Variants in GLIS1 observed in about 807,000 individuals in gnomAD.
The protein encoded by GLIS1 is GLIS family zinc finger 1.
GLIS1 carries 24 observed loss-of-function variants against 63.8 expected under a neutral mutation model. That is an observed-to-expected ratio of 0.38 (90% CI 0.27 to 0.53). The LOEUF is 0.53. GLIS1 is among the 20% of genes least tolerant of loss of function. GLIS1 has a pLI of 0.85. For synonymous variants in GLIS1, 450 were observed against 482.5 expected, an observed-to-expected ratio of 0.93 and a Z score of 0.88; for missense variants, 1,036 against 1,074.1, an observed-to-expected ratio of 0.96 and a Z score of 0.50.
rs1412585059 is a variant in GLIS1, at chr1:53,511,893, C to T, written c.1884-1866G>A. Among the ~76,000 whole-genome samples, 6 of 152,154 alleles carry T rather than the reference C, an allele frequency of 3.9e-5. No individual in the cohort carries two copies. Among genetic ancestry groups the T allele is most frequent in the Admixed American group, 2.0e-4 (3 of 15,280 alleles). On this transcript the variant is annotated intron_variant, in intron 8 of 10. Transcript: ENST00000628545. The surrounding 1 kb of genome is among the most constrained non-coding windows in gnomAD (Gnocchi z 4.2). The stretch of plus-strand genomic sequence containing the variant: ...AGCCCTCCCCTGGTTTCCTGAAGCC[C>T]CTGTAGGGAGGGCCAGGTCTTGGCC...
chr1:53,691,262 G>A (rs867194199), intron 2 of GLIS1, among the ~76,000 whole-genome samples: 2 of 152,122 alleles, frequency 1.3e-5, no homozygotes, highest in Non-Finnish European at 2.9e-5. Flanking sequence ...CCCACAGTGG[G>A]AGCTTCAGTG....
chr1:53,594,897 T>C lies in GLIS1; in HGVS notation c.531A>G (p.Ala177=). 3 of 1,528,302 alleles carry C rather than the reference T, an allele frequency of 2.0e-6. No homozygotes were observed. Among genetic ancestry groups the C allele is most frequent in the Non-Finnish European group, 2.6e-6 (3 of 1,146,026 alleles). The allele number at this position is 1,528,302 out of a possible 1,614,324, so 94.7% of individuals were successfully genotyped here. A position where few individuals can be genotyped will look rare whatever the true frequency, so the allele number is the denominator to read the frequency against. The part of the protein sequence containing the change: ...QESLPDYQAM[A]EARTSLSAHC... ...GGGCAGACAGGGATGTGCGGGCCTC[T>C]GCCATGGCTTGGTAGTCGGGCAAGG... is the stretch of plus-strand genomic sequence containing the variant. Residue 177 remains alanine (A), a synonymous_variant, in exon 4 of 11, where the codon GCA becomes GCG. Coordinates refer to ENST00000628545, the MANE Select transcript of GLIS1 (RefSeq NM_001367484.1).
chr1:53,733,281 G>A (rs1646882326), intron 2 of GLIS1, among the ~76,000 whole-genome samples: 1 of 152,136 alleles, frequency 6.6e-6, no homozygotes, highest in African/African-American at 2.4e-5. Context: ...CTGAGATGAG[G>A]TTCATTTTGT....
chr1:53,519,131 C>T (rs540717483), intron 7 of GLIS1, among the ~76,000 whole-genome samples: 2 of 152,328 alleles, frequency 1.3e-5, no homozygotes, highest in African/African-American at 4.8e-5. Flanking sequence ...ACTTGAGATA[C>T]CTTCGTCCCT....
intron 2 of GLIS1, among the ~76,000 whole-genome samples, chr1:53,641,409 G>A (rs1057473544): frequency 6.6e-5 from 10 of 152,218 alleles, no homozygotes; most frequent in East Asian, 1.9e-4. Context: ...AGTGCCTGCC[G>A]TAGGAGCTCC....
intron 2 of GLIS1, among the ~76,000 whole-genome samples, chr1:53,649,043 T>G (rs989387694): frequency 6.6e-6 from 1 of 152,210 alleles, no homozygotes; most frequent in Non-Finnish European, 1.5e-5. Context: ...TCAATAAATA[T>G]ATTAGAAATT....
chr1:53,659,056 C>T (rs1645998389), intron 2 of GLIS1, among the ~76,000 whole-genome samples: 1 of 152,202 alleles, frequency 6.6e-6, no homozygotes, highest in Non-Finnish European at 1.5e-5. Context: ...GTACTTGGCA[C>T]AGCAGCGTTT....
At chr1:53,701,386 T>G (rs1212537106) in intron 2 of GLIS1, among the ~76,000 whole-genome samples, 1 of 152,098 alleles carries the variant, frequency 6.6e-6, no homozygotes, top group East Asian at 1.9e-4. Flanking sequence ...AAAGTCTTCT[T>G]CCCCCAAGAA....
intron 4 of GLIS1, among the ~76,000 whole-genome samples, chr1:53,533,399 C>T (rs1457279156): frequency 6.6e-6 from 1 of 152,224 alleles, no homozygotes; most frequent in East Asian, 1.9e-4. Flanking sequence ...TGAGTACACC[C>T]CCTTACCCCA....
intron 7 of GLIS1, among the ~76,000 whole-genome samples, chr1:53,519,753 C>T (rs999504025): frequency 6.6e-6 from 1 of 152,136 alleles, no homozygotes; most frequent in African/African-American, 2.4e-5. Flanking sequence ...GCTCTGGGGG[C>T]CCCATCTCTG....
At chr1:53,548,361 T>C (rs1394159035) in intron 4 of GLIS1, among the ~76,000 whole-genome samples, 1 of 152,182 alleles carries the variant, frequency 6.6e-6, no homozygotes, top group Non-Finnish European at 1.5e-5. Flanking sequence ...TTACTGCTGG[T>C]ATTCCCGTGT....
At chr1:53,697,425 C>T (rs1646476701) in intron 2 of GLIS1, among the ~76,000 whole-genome samples, 1 of 152,210 alleles carries the variant, frequency 6.6e-6, no homozygotes, top group Admixed American at 6.5e-5. Context: ...TCTCTTCACC[C>T]TTCAAAGCAT....
chr1:53,546,846 A>G (rs1408105123), intron 4 of GLIS1, among the ~76,000 whole-genome samples: 1 of 152,168 alleles, frequency 6.6e-6, no homozygotes, highest in Non-Finnish European at 1.5e-5. Flanking sequence ...TGTTGTTAAG[A>G]CTAGGCTGCC....
At chr1:53,732,884 TACC>T (rs1160152154) in intron 2 of GLIS1, among the ~76,000 whole-genome samples, 2 of 152,286 alleles carry the variant, frequency 1.3e-5, no homozygotes, top group Non-Finnish European at 2.9e-5. Flanking sequence ...GCTGAAATAC[TACC>T]ACATCGTGTT....
chr1:53,562,605 A>T (rs1644903174), intron 4 of GLIS1, among the ~76,000 whole-genome samples: 1 of 152,074 alleles, frequency 6.6e-6, no homozygotes, highest in African/African-American at 2.4e-5. Flanking sequence ...ACATCGCACC[A>T]CACTGCCCCG....
chr1:53,594,576 C>G lies in GLIS1; in HGVS notation c.852G>C (p.Leu284=). Residue 284 remains leucine (L), a synonymous_variant, in exon 4 of 11, where the codon CTG becomes CTC. Transcript: ENST00000628545. ...TGGAAGGGCCCCCCAGATCTCCCGT[C>G]AGAGGGGGGCTCCGGAGTCCATTTA... ...TCVNGLRSPP[L]TGDLGGPSKR... 1 of 1,595,280 alleles carries G rather than the reference C, an allele frequency of 6.3e-7. No individual in the cohort carries two copies. Among genetic ancestry groups the G allele is most frequent in the Non-Finnish European group, 8.6e-7 (1 of 1,167,114 alleles).
intron 4 of GLIS1, among the ~76,000 whole-genome samples, chr1:53,567,976 C>T (rs1457224255): frequency 1.3e-5 from 2 of 152,244 alleles, no homozygotes; most frequent in African/African-American, 2.4e-5. Flanking sequence ...GGAGCCCCCA[C>T]ACAGAGCCCC....
intron 2 of GLIS1, among the ~76,000 whole-genome samples, chr1:53,663,373 G>A (rs1646050465): frequency 6.6e-6 from 1 of 152,228 alleles, no homozygotes; most frequent in Admixed American, 6.5e-5. Flanking sequence ...CAAGGCTGAG[G>A]AGGGGCCACA....
chr1:53,535,245 A>G (rs1644570597), intron 4 of GLIS1, among the ~76,000 whole-genome samples: 1 of 151,948 alleles, frequency 6.6e-6, no homozygotes, highest in Non-Finnish European at 1.5e-5. Context: ...CCATGCAAGG[A>G]CTGATGTGGC....
Sources: gnomAD v4.1 joint callset for allele counts (sites outside exome capture counted in the v4.1 genomes callset) on GRCh38, gnomAD v4.1.1 for gene constraint, Gnocchi (gnomAD v3.1) non-coding constraint, MANE v1.5 for transcripts, NCBI Gene and HGNC (gene_info 2026-07-23, HGNC 2026-07-21) for gene names.